Variants in CEP89 observed in about 807,000 individuals in gnomAD.
CEP89 encodes centrosomal protein 89.
Under a neutral mutation model 97.6 loss-of-function variants are expected in CEP89, and 95 were observed. The ratio of observed to expected loss-of-function variants is 0.97; its 90% CI spans 0.82 to 1.15. The LOEUF is 1.15. CEP89 is among the 50% of genes most tolerant of loss of function. The pLI, the probability that CEP89 is intolerant of heterozygous loss-of-function variation, is 0.00. For missense variants in CEP89, 869 were observed against 947.7 expected (o/e 0.92, Z 1.09); for synonymous variants, 354 against 349.1 (o/e 1.01, Z -0.16).
At chr19:32,893,029 C>T (rs1358355288) in intron 16 of CEP89, among the ~76,000 whole-genome samples, 3 of 151,846 alleles carry the variant, frequency 2.0e-5, no homozygotes, top group Non-Finnish European at 4.4e-5. Flanking sequence ...AGTAAGTCCT[C>T]GCATATCAAT....
chr19:32,905,282 A>C (rs1353594673), intron 14 of CEP89, among the ~76,000 whole-genome samples: 1 of 152,252 alleles, frequency 6.6e-6, no homozygotes, highest in Non-Finnish European at 1.5e-5. Flanking sequence ...TTACATCTAC[A>C]TTCATAAGTG....
At chr19:32,932,873 C>T (rs1970504420) in intron 8 of CEP89, among the ~76,000 whole-genome samples, 1 of 152,022 alleles carries the variant, frequency 6.6e-6, no homozygotes, top group Non-Finnish European at 1.5e-5. Flanking sequence ...TCACTTGAGC[C>T]CAGGAGTTCA....
chr19:32,925,632 G>A (rs773115033), intron 11 of CEP89, among the ~76,000 whole-genome samples: 1 of 151,892 alleles, frequency 6.6e-6, no homozygotes, highest in Admixed American at 6.6e-5. Flanking sequence ...GGAATTACAG[G>A]TACGTGCCAC....
chr19:32,954,035 A>AT (rs923890935), intron 3 of CEP89, among the ~76,000 whole-genome samples: 49 of 146,428 alleles, frequency 3.3e-4, no homozygotes, highest in Admixed American at 5.5e-4. Flanking sequence ...CGCCTGGCTA[A>AT]TTTTTTTTTT....
At chr19:32,951,315 A>G (rs1372704643) in intron 4 of CEP89, among the ~76,000 whole-genome samples, 2 of 151,968 alleles carry the variant, frequency 1.3e-5, no homozygotes, top group Non-Finnish European at 2.9e-5. Flanking sequence ...ATGAAACCCA[A>G]TCTCTACTAA....
intron 14 of CEP89, among the ~76,000 whole-genome samples, chr19:32,909,145 T>C (rs1969948503): frequency 6.6e-6 from 1 of 152,198 alleles, no homozygotes; most frequent in African/African-American, 2.4e-5. Flanking sequence ...CTAGAAAGAT[T>C]GGGCTTACTC....
intron 5 of CEP89, among the ~76,000 whole-genome samples, chr19:32,944,072 C>G (rs1970743339): frequency 6.6e-6 from 1 of 151,788 alleles, no homozygotes; most frequent in Non-Finnish European, 1.5e-5. Context: ...TAACAAAATA[C>G]AAAAATTAGC....
chr19:32,910,265 CAG>C (rs71336978), intron 14 of CEP89, among the ~76,000 whole-genome samples: 121 of 140,404 alleles, frequency 8.6e-4, no homozygotes, highest in Admixed American at 1.3e-3. Context: ...GACTCTGCCT[CAG>C]AGAGAGAGAG....
intron 3 of CEP89, among the ~76,000 whole-genome samples, chr19:32,955,954 A>C (rs1412630707): frequency 6.6e-6 from 1 of 151,580 alleles, no homozygotes; most frequent in Non-Finnish European, 1.5e-5. Context: ...CACTGTCTAA[A>C]TTTGCATTTG....
chr19:32,966,187 T>C (rs1971278998), intron 2 of CEP89, 173 bp downstream of exon 2: 2 of 408,444 alleles, frequency 4.9e-6, no homozygotes, highest in Non-Finnish European at 8.7e-6. Flanking sequence ...CAGTCCATTA[T>C]CCTCAGAGAC....
intron 17 of CEP89, among the ~76,000 whole-genome samples, chr19:32,885,223 A>G (rs1969369162): frequency 1.3e-5 from 2 of 152,218 alleles, no homozygotes; most frequent in African/African-American, 4.8e-5. Context: ...ATACAATTCT[A>G]TCAGCCTTAT....
intron 9 of CEP89, among the ~76,000 whole-genome samples, chr19:32,927,914 T>C (rs1207022351): frequency 2.7e-5 from 4 of 149,648 alleles, no homozygotes; most frequent in East Asian, 2.0e-4. Flanking sequence ...TTTTTTTTTT[T>C]TTTTCTTTTT....
intron 16 of CEP89, among the ~76,000 whole-genome samples, chr19:32,892,807 C>T (rs1396543203): frequency 6.6e-6 from 1 of 151,960 alleles, no homozygotes; most frequent in East Asian, 1.9e-4. Context: ...TAGACCCATC[C>T]TACATGAAAT....
At chr19:32,906,073 C>T (rs74915813) in intron 14 of CEP89, among the ~76,000 whole-genome samples, 1 of 152,246 alleles carries the variant, frequency 6.6e-6, no homozygotes, top group African/African-American at 2.4e-5. Flanking sequence ...TGCCCTTTTA[C>T]TTTTGACCTT....
intron 17 of CEP89, among the ~76,000 whole-genome samples, chr19:32,883,225 T>C (rs1969323678): frequency 6.6e-6 from 1 of 152,184 alleles, no homozygotes; most frequent in South Asian, 2.1e-4. Flanking sequence ...CATTTTTTTA[T>C]AAGAAGCTCT....
At chr19:32,879,961 G>A (rs889661237) in intron 18 of CEP89, among the ~76,000 whole-genome samples, 34 of 152,352 alleles carry the variant, frequency 2.2e-4, no homozygotes, top group African/African-American at 3.4e-4. Context: ...TGCCAAGATG[G>A]AGAAGATTGG....
chr19:32,929,595 T>G (rs972417315), intron 9 of CEP89, among the ~76,000 whole-genome samples: 6 of 144,894 alleles, frequency 4.1e-5, no homozygotes, highest in Admixed American at 4.1e-4. Context: ...ATAGAGAGAC[T>G]GTGTCTAAAA....
At chr19:32,937,792 G>T in intron 6 of CEP89, 119 bp from the exon 7 acceptor site, 1 of 745,728 alleles carries the variant, frequency 1.3e-6, no homozygotes, top group Non-Finnish European at 2.3e-6. Flanking sequence ...CCTTCATTTT[G>T]ACTCTTGTTC....
chr19:32,888,485 T>C (rs1969445705), intron 16 of CEP89, among the ~76,000 whole-genome samples: 1 of 152,046 alleles, frequency 6.6e-6, no homozygotes, highest in African/African-American at 2.4e-5. Context: ...GAGAAATTGC[T>C]CCAGGTCACA....
Sources: gnomAD v4.1 joint callset for allele counts (sites outside exome capture counted in the v4.1 genomes callset) on GRCh38, gnomAD v4.1.1 for gene constraint, MANE v1.5 for transcripts, NCBI Gene and HGNC (gene_info 2026-07-23, HGNC 2026-07-21) for gene names.